The following NRXN3 variants were observed in gnomAD, a reference collection of about 807,000 sequenced individuals.
The protein encoded by NRXN3 is neurexin 3, also known as neurexin III.
In NRXN3, 32 loss-of-function variants were observed where a neutral mutation model predicts 137.6. The observed-to-expected ratio is 0.23, with a 90% CI of 0.18 to 0.31. The LOEUF is 0.31. NRXN3 is among the 10% of genes least tolerant of loss of function. NRXN3 has a pLI of 1.00. For missense variants in NRXN3, 1,574 were observed against 2,062.5 expected, an observed-to-expected ratio of 0.76 and a Z score of 4.59; for synonymous variants, 798 against 784.5, an observed-to-expected ratio of 1.02 and a Z score of -0.29.
At chr14:78,535,962 C>G (rs867294085) in intron 4 of NRXN3, among the ~76,000 whole-genome samples, 1 of 151,646 alleles carries the variant, frequency 6.6e-6, no homozygotes, top group Non-Finnish European at 1.5e-5. Context: ...TTTTTTTAAT[C>G]GTGTGAAGCC....
chr14:78,933,676 T>C (rs2099328080), intron 10 of NRXN3, among the ~76,000 whole-genome samples: 1 of 152,218 alleles, frequency 6.6e-6, no homozygotes, highest in South Asian at 2.1e-4. Flanking sequence ...ACCATTTTGT[T>C]ATTGACACTT....
At chr14:79,266,265 A>G (rs573194541) in intron 15 of NRXN3, among the ~76,000 whole-genome samples, 1 of 152,270 alleles carries the variant, frequency 6.6e-6, no homozygotes, top group South Asian at 2.1e-4. Context: ...AGTCCTTTCT[A>G]TATTACTTCA....
intron 2 of NRXN3, among the ~76,000 whole-genome samples, chr14:78,257,746 A>G (rs905046613): frequency 2.6e-5 from 4 of 152,182 alleles, no homozygotes; most frequent in African/African-American, 9.7e-5. Context: ...GATTTTGGAC[A>G]TTATTTTTTC....
intron 10 of NRXN3, among the ~76,000 whole-genome samples, chr14:78,937,403 C>G (rs746215469): frequency 6.6e-6 from 1 of 152,108 alleles, no homozygotes; most frequent in African/African-American, 2.4e-5. Flanking sequence ...TGTTGCATCC[C>G]TCTTTGAAAC....
chr14:79,101,058 T>G (rs2051193248), intron 15 of NRXN3, among the ~76,000 whole-genome samples: 1 of 152,206 alleles, frequency 6.6e-6, no homozygotes, highest in Non-Finnish European at 1.5e-5. Flanking sequence ...CAAAGCAAAC[T>G]TAACACTTTG....
At chr14:79,563,025 C>T (rs1398866548) in intron 16 of NRXN3, among the ~76,000 whole-genome samples, 1 of 152,098 alleles carries the variant, frequency 6.6e-6, no homozygotes, top group Non-Finnish European at 1.5e-5. Flanking sequence ...ATATAACCCA[C>T]CCCCAATAAG....
At chr14:78,906,039 T>C (rs993149611) in intron 10 of NRXN3, among the ~76,000 whole-genome samples, 1 of 152,016 alleles carries the variant, frequency 6.6e-6, no homozygotes, top group Non-Finnish European at 1.5e-5. Flanking sequence ...TTTTTAATGT[T>C]ATTGATAGAA....
At chr14:78,741,560 T>G (rs2098572651) in intron 8 of NRXN3, among the ~76,000 whole-genome samples, 1 of 152,210 alleles carries the variant, frequency 6.6e-6, no homozygotes, top group South Asian at 2.1e-4. Flanking sequence ...ATTTAATGCA[T>G]ACAACTTGAT....
chr14:78,826,467 T>G (rs559787836), intron 10 of NRXN3, among the ~76,000 whole-genome samples: 1 of 152,160 alleles, frequency 6.6e-6, no homozygotes. Context: ...TGAAAAAACA[T>G]GCACACGCAT....
chr14:78,558,171 A>G (rs2096756101), intron 4 of NRXN3, among the ~76,000 whole-genome samples: 1 of 152,232 alleles, frequency 6.6e-6, no homozygotes, highest in Non-Finnish European at 1.5e-5. Flanking sequence ...CCATTCTTCC[A>G]GATTCATCCA....
chr14:79,175,376 G>A (rs914692378), intron 15 of NRXN3, among the ~76,000 whole-genome samples: 7 of 152,148 alleles, frequency 4.6e-5, no homozygotes, highest in African/African-American at 1.7e-4. Flanking sequence ...AGAAGATTGA[G>A]AATTTTTTTG....
chr14:79,650,805 G>A (rs1453525585), intron 16 of NRXN3, among the ~76,000 whole-genome samples: 1 of 152,114 alleles, frequency 6.6e-6, no homozygotes, highest in Non-Finnish European at 1.5e-5. Context: ...ATGACTACAT[G>A]TTAAAATTCT....
chr14:78,863,235 A>G (rs2099077675), intron 10 of NRXN3, among the ~76,000 whole-genome samples: 1 of 152,158 alleles, frequency 6.6e-6, no homozygotes, highest in South Asian at 2.1e-4. Flanking sequence ...TCTTATATGC[A>G]TGACAGCCAA....
At chr14:78,498,799 C>CT (rs5809894) in intron 4 of NRXN3, among the ~76,000 whole-genome samples, 57,205 of 150,402 alleles carry the variant, frequency 0.38, 11,070 homozygotes, top group East Asian at 0.47. Flanking sequence ...TTTTCTTTTT[C>CT]TTTTTTTTTG....
intron 4 of NRXN3, among the ~76,000 whole-genome samples, chr14:78,476,555 T>C (rs724373): frequency 0.91 from 139,112 of 152,188 alleles, 63,829 homozygotes; most frequent in South Asian, 0.96. Context: ...TTGTTTTTCA[T>C]ATATATGACC....
At chr14:78,617,011 C>T (rs533117009) in intron 4 of NRXN3, among the ~76,000 whole-genome samples, 2 of 152,152 alleles carry the variant, frequency 1.3e-5, no homozygotes, top group Non-Finnish European at 2.9e-5. Context: ...CCTGCTCACC[C>T]CCCACTGCAC....
At position 78,559,963 on chromosome 14, in the gene NRXN3, C is replaced by A. The variant is rs567626956; in HGVS notation, c.758-85157C>A. Among the ~76,000 whole-genome samples, 21 of 152,330 alleles carry A rather than the reference C, an allele frequency of 1.4e-4. No individual in the cohort carries two copies. The South Asian group carries it at 3.9e-3, about 29-fold the overall frequency. ...GCACCTTTTGGATTGTAAATTGCATCTTTCTTCCTTACCTGTGTATGCCCT... is the reference window on the plus strand; with the variant it reads ...GCACCTTTTGGATTGTAAATTGCATATTTCTTCCTTACCTGTGTATGCCCT... On this transcript the variant is annotated intron_variant, in intron 4 of 20. Coordinates refer to ENST00000335750, the MANE Select transcript of NRXN3 (RefSeq NM_001330195.2).
At chr14:78,789,707 A>G (rs2098799632) in intron 8 of NRXN3, among the ~76,000 whole-genome samples, 1 of 152,118 alleles carries the variant, frequency 6.6e-6, no homozygotes, top group African/African-American at 2.4e-5. Context: ...TTAATAAATG[A>G]TTTCATTTCA....
At chr14:79,582,817 G>T (rs1340933746) in intron 16 of NRXN3, among the ~76,000 whole-genome samples, 1 of 152,166 alleles carries the variant, frequency 6.6e-6, no homozygotes, top group African/African-American at 2.4e-5. Flanking sequence ...GTATAACACA[G>T]ATGAGTGTAA....
Sources: gnomAD v4.1 joint callset for allele counts (sites outside exome capture counted in the v4.1 genomes callset) on GRCh38, gnomAD v4.1.1 for gene constraint, MANE v1.5 for transcripts, NCBI Gene and HGNC (gene_info 2026-07-23, HGNC 2026-07-21) for gene names.